Variants in AK7 observed in about 807,000 individuals in gnomAD.
AK7 encodes the protein adenylate kinase 7, also known as ATP-AMP transphosphorylase 7.
Under a neutral mutation model 96.6 loss-of-function variants are expected in AK7, and 78 were observed. The ratio of observed to expected loss-of-function variants is 0.81; its 90% CI spans 0.67 to 0.97. The LOEUF is 0.97. Ranked by LOEUF, AK7 falls within the 50% of genes least tolerant of loss-of-function variation. AK7 has a pLI of 0.00. For synonymous variants in AK7, 302 were observed against 317.2 expected, an observed-to-expected ratio of 0.95 and a Z score of 0.51; for missense variants, 855 against 887.9, an observed-to-expected ratio of 0.96 and a Z score of 0.47.
intron 17 of AK7, 147 bp downstream of exon 17, chr14:96,487,203 G>T (rs564110574): frequency 2.1e-5 from 15 of 725,138 alleles, no homozygotes; most frequent in Admixed American, 1.9e-4. Context: ...GTGAAACCCC[G>T]TCTCTACTAA....
intron 10 of AK7, among the ~76,000 whole-genome samples, chr14:96,453,103 A>T (rs1893699953): frequency 6.6e-6 from 1 of 152,170 alleles, no homozygotes; most frequent in African/African-American, 2.4e-5. Context: ...TTAGAACCGT[A>T]TTCTCTTGGA....
intron 7 of AK7, 81 bp downstream of exon 7, chr14:96,442,899 C>A: frequency 7.8e-7 from 1 of 1,283,472 alleles, no homozygotes; most frequent in Non-Finnish European, 1.1e-6. Context: ...TGAGCATTTG[C>A]CTAGTGCTAA....
chr14:96,435,715 G>A (rs1232616773), intron 5 of AK7, among the ~76,000 whole-genome samples: 6 of 152,158 alleles, frequency 3.9e-5, no homozygotes, highest in Non-Finnish European at 7.4e-5. Context: ...AATTACGACC[G>A]CTGATACCGG....
chr14:96,418,802 G>T (rs1303717530), intron 4 of AK7, among the ~76,000 whole-genome samples: 1 of 152,070 alleles, frequency 6.6e-6, no homozygotes, highest in African/African-American at 2.4e-5. Context: ...TACAGGCATG[G>T]GCCACCTCGC....
In AK7 at chr14:96,458,109, A is replaced by G. The variant is rs1016896050; in HGVS notation, c.1254A>G (p.Val418=). The change falls in exon 12 of 18, where the codon GTA becomes GTG. Residue 418 remains valine, a synonymous_variant. Coordinates refer to ENST00000267584, the MANE Select transcript of AK7 (RefSeq NM_152327.5). ...KLEAIVAPND[V]GEGEEEVEEE... ...AGGCGATTGTTGCCCCTAACGATGT[A>G]GGGGAAGGAGAAGAAGAAGTCGAAG... The G allele has an allele frequency of 1.2e-6, 2 of 1,613,568 alleles. No homozygotes were observed. The highest frequency in any genetic ancestry group is 2.2e-5 in the East Asian group (1 of 44,864).
chr14:96,485,107 A>G (rs2140183166), intron 16 of AK7, among the ~76,000 whole-genome samples: 1 of 152,238 alleles, frequency 6.6e-6, no homozygotes, highest in East Asian at 1.9e-4. Context: ...TGTATCATCT[A>G]ACAGGTGGCT....
Position 96,487,033 on chromosome 14 carries a change from C to A in AK7, c.2110C>A (p.Pro704Thr), listed in dbSNP as rs868614854. 1.9e-6 allele frequency: 3 copies of A among 1,613,960 alleles called. No homozygotes were observed. The highest frequency in any genetic ancestry group is 2.5e-6 in the Non-Finnish European group (3 of 1,180,006). Residue 704 changes from proline (P) to threonine (T), a missense_variant, in exon 17 of 18, where the codon CCC (proline) becomes ACC (threonine). Transcript: ENST00000267584. ...CCTGAATGAATGTTGCAACGTCCGA[C>A]CCGAAGACCCTGTTGATTTTCTGGT... ...QGLNECCNVR[P>T]EDPVDFLAEY...
chr14:96,487,022 G>GCAAC lies in AK7; in HGVS notation c.2100_2103dup (p.Val702GlnfsTer9). 6.2e-7 allele frequency: 1 copy of GCAAC among 1,614,030 alleles called. No homozygotes were observed. On this transcript the variant is annotated frameshift_variant, in exon 17 of 18. Transcript: ENST00000267584. LOFTEE classifies it high-confidence loss of function. ...CTTATTCAGGGCCTGAATGAATGTT[G>GCAAC]CAACGTCCGACCCGAAGACCCTGTT...
intron 5 of AK7, among the ~76,000 whole-genome samples, chr14:96,428,624 G>A (rs577606242): frequency 5.9e-5 from 9 of 152,214 alleles, no homozygotes; most frequent in East Asian, 5.8e-4. Context: ...CTCCAGCACC[G>A]TTGTTTCCTG....
Position 96,392,269 on chromosome 14 carries a change from G to T in AK7, c.105+10G>T, listed in dbSNP as rs201295962. ...CGGAAACATCGGGAAGGTGAGCGGC[G>T]GCGGCGGCCCAGAGCCTCACGCCAG... On this transcript the variant is annotated intron_variant, in intron 1 of 17. Transcript: ENST00000267584. 121 of 1,607,160 alleles carry T rather than the reference G, an allele frequency of 7.5e-5. No homozygotes were observed. The African/African-American group carries it at 1.5e-3, about 19-fold the overall frequency.
intron 6 of AK7, among the ~76,000 whole-genome samples, chr14:96,440,217 G>T (rs112618514): frequency 6.6e-6 from 1 of 151,934 alleles, no homozygotes; most frequent in Non-Finnish European, 1.5e-5. Context: ...TTCGTGATCC[G>T]CCCGCCTCAG....
At chr14:96,434,592 G>A (rs1004491944) in intron 5 of AK7, among the ~76,000 whole-genome samples, 1 of 150,534 alleles carries the variant, frequency 6.6e-6, no homozygotes, top group South Asian at 2.1e-4. Flanking sequence ...ACCACTCCCT[G>A]GTTACTGCCT....
Position 96,420,899 on chromosome 14 carries a change from T to C in AK7, c.576T>C (p.Asn192=). Residue 192 remains asparagine, a synonymous_variant, in exon 5 of 18, where the codon AAT becomes AAC. Coordinates refer to ENST00000267584, the MANE Select transcript of AK7 (RefSeq NM_152327.5). ...ATCCTAATTTTCTGGACCACATAAATGCTGAAAAAATGGTTCTCAAATTTG... is the reference window on the plus strand; with the variant it reads ...ATCCTAATTTTCTGGACCACATAAACGCTGAAAAAATGGTTCTCAAATTTG... ...KSHPNFLDHI[N]AEKMVLKFGK... is the part of the protein sequence containing the mutation. 6.2e-7 allele frequency: 1 copy of C among 1,613,216 alleles called. No homozygotes were observed. Among genetic ancestry groups the C allele is most frequent in the South Asian group, 1.1e-5 (1 of 91,042 alleles).
chr14:96,395,801 T>A (rs1336177696), intron 1 of AK7, among the ~76,000 whole-genome samples: 1 of 31,108 alleles, frequency 3.2e-5, no homozygotes, highest in African/African-American at 1.4e-4. Context: ...TGATTTTGAA[T>A]TTTTTTTTTT....
intron 5 of AK7, among the ~76,000 whole-genome samples, chr14:96,435,473 G>A (rs908615584): frequency 7.2e-5 from 11 of 152,076 alleles, no homozygotes; most frequent in Admixed American, 5.9e-4. Flanking sequence ...AGTCTCTTCG[G>A]AGCCACGAGC....
intron 3 of AK7, among the ~76,000 whole-genome samples, chr14:96,405,785 A>G (rs924530901): frequency 1.3e-5 from 2 of 152,220 alleles, no homozygotes; most frequent in Non-Finnish European, 2.9e-5. Context: ...AGGCTTGTAG[A>G]GAGTGCTTGT....
Position 96,451,408 on chromosome 14 carries a change from CTCTA to C in AK7, c.949-9_949-6del, listed in dbSNP as rs749897626. On this transcript the variant is annotated splice_polypyrimidine_tract_variant and intron_variant, in intron 9 of 17. Coordinates refer to ENST00000267584, the MANE Select transcript of AK7 (RefSeq NM_152327.5). ...AAAAAAAGACAAATCTCTAATTGTC[CTCTA>C]TCTTTCAGCAAGATTGTCTTGACCA... The C allele has an allele frequency of 2.1e-5, 33 of 1,547,952 alleles. No individual in the cohort carries two copies. The highest frequency in any genetic ancestry group is 2.0e-4 in the South Asian group (16 of 81,526).
intron 12 of AK7, among the ~76,000 whole-genome samples, chr14:96,458,770 G>C (rs1380070433): frequency 6.6e-6 from 1 of 150,428 alleles, no homozygotes; most frequent in Non-Finnish European, 1.5e-5. Context: ...AATTAGCTGA[G>C]CATCGTGGCA....
intron 12 of AK7, among the ~76,000 whole-genome samples, chr14:96,470,067 C>T (rs1894801103): frequency 2.0e-5 from 3 of 152,140 alleles, no homozygotes; most frequent in Admixed American, 2.0e-4. Flanking sequence ...ATCCACCCAC[C>T]TTGGCCTCCC....
Sources: gnomAD v4.1 joint callset for allele counts (sites outside exome capture counted in the v4.1 genomes callset) on GRCh38, gnomAD v4.1.1 for gene constraint, MANE v1.5 for transcripts, NCBI Gene and HGNC (gene_info 2026-07-23, HGNC 2026-07-21) for gene names.